The following ALDH1L2 variants were observed in gnomAD, a reference collection of about 807,000 sequenced individuals.
The protein encoded by ALDH1L2 is aldehyde dehydrogenase 1 family member L2, also known as mitochondrial 10-formyltetrahydrofolate dehydrogenase.
In ALDH1L2, 91 loss-of-function variants were observed where a neutral mutation model predicts 111.0. The ratio of observed to expected loss-of-function variants is 0.82; its 90% confidence interval spans 0.69 to 0.98. ALDH1L2 has a LOEUF of 0.98. Ranked by LOEUF, ALDH1L2 falls within the 50% of genes least tolerant of loss-of-function variation. The probability of loss-of-function intolerance (pLI) is 0.00; values close to 1 mark genes in which losing one functional copy is unlikely to be tolerated. For missense variants in ALDH1L2, 995 were observed against 1,126.8 expected (o/e 0.88, Z 1.67); for synonymous variants, 374 against 392.6 (o/e 0.95, Z 0.56).
chr12:105,030,369 T>A lies in ALDH1L2; in HGVS notation c.2471A>T (p.Glu824Val). The change falls in exon 21 of 23, where the codon GAG becomes GTG. Residue 824 changes from glutamate (E) to valine (V), a missense_variant. By Grantham distance (121) the Glu-to-Val change is moderately radical (BLOSUM62 -2). Transcript: ENST00000258494. Reference sequence around the variant, plus strand: ...GACCATAATAGGCCCAAAGGATTCCTCTTTGGCGAGGTACATGTAGTCTTC... The same window carrying A: ...GACCATAATAGGCCCAAAGGATTCCACTTTGGCGAGGTACATGTAGTCTTC... ...DVEDYMYLAK[E>V]ESFGPIMVIS... The A allele has an allele frequency of 6.2e-7, 1 of 1,613,784 alleles. No homozygotes were observed. The highest frequency in any genetic ancestry group is 8.5e-7 in the Non-Finnish European group (1 of 1,179,782).
rs1238132113 is a variant in ALDH1L2 at position 105,052,081 on chromosome 12, T to C, written c.1535+9A>G. 27 of 1,576,018 alleles carry C rather than the reference T, an allele frequency of 1.7e-5. No individual in the cohort carries two copies. The highest frequency in any genetic ancestry group is 2.1e-5 in the Non-Finnish European group (25 of 1,167,056). ...TTCTAAAAAATAAAAAAATAAAAAATAGAAATACCTATACATCAATCTTCC... is the reference window on the plus strand; with the variant it reads ...TTCTAAAAAATAAAAAAATAAAAAACAGAAATACCTATACATCAATCTTCC... On this transcript the variant is annotated intron_variant, in intron 12 of 22. Coordinates refer to ENST00000258494, the MANE Select transcript of ALDH1L2 (RefSeq NM_001034173.4).
At chr12:105,083,182 G>C (rs565070703) in intron 1 of ALDH1L2, among the ~76,000 whole-genome samples, 11 of 152,330 alleles carry the variant, frequency 7.2e-5, no homozygotes, top group African/African-American at 2.6e-4. Context: ...GTTGACAGAG[G>C]AGGCCAACAA....
At chr12:105,049,831 G>T in intron 13 of ALDH1L2, 77 bp downstream of exon 13, 2 of 1,445,338 alleles carry the variant, frequency 1.4e-6, no homozygotes, top group Non-Finnish European at 9.2e-7. Flanking sequence ...ATAAAAAGAG[G>T]ATCTGACACA....
intron 5 of ALDH1L2, 88 bp downstream of exon 5, chr12:105,066,480 T>G: frequency 7.6e-7 from 1 of 1,308,538 alleles, no homozygotes; most frequent in Non-Finnish European, 1.1e-6. Context: ...CTGGCTTACC[T>G]TTTGGCAAGA....
intron 15 of ALDH1L2, among the ~76,000 whole-genome samples, chr12:105,046,322 C>T (rs533340692): frequency 2.6e-4 from 38 of 144,384 alleles, no homozygotes; most frequent in East Asian, 1.0e-3. Flanking sequence ...TTGCAACCTC[C>T]GCCTTTACAA....
rs1385108255 is a variant in ALDH1L2 at position 105,070,776 on chromosome 12, A to AG, written c.221dup (p.Val75CysfsTer6). The AG allele has an allele frequency of 1.9e-6, 3 of 1,614,118 alleles. No homozygotes were observed. Among genetic ancestry groups the AG allele is most frequent in the East Asian group, 2.2e-5 (1 of 44,888 alleles). On this transcript the variant is annotated frameshift_variant, in exon 3 of 23. Transcript: ENST00000258494. LOFTEE classifies it high-confidence loss of function. ...CCCTCCATTTAGGAAGCTTGAACACAGGGGTCCCATCTTTCTCTGCAGCCA... is the reference window on the plus strand; with the variant it reads ...CCCTCCATTTAGGAAGCTTGAACACAGGGGGTCCCATCTTTCTCTGCAGCCA...
Position 105,046,622 on chromosome 12 carries a change from G to C in ALDH1L2, c.1863+88C>G. The C allele has an allele frequency of 4.2e-6, 5 of 1,182,054 alleles. No individual in the cohort carries two copies. In the South Asian group the frequency reaches 7.3e-5, roughly 17 times the overall value. The allele number at this position is 1,182,054 out of a possible 1,614,324, so 73.2% of individuals were successfully genotyped here. A position where few individuals can be genotyped will look rare whatever the true frequency, so the allele number is the denominator to read the frequency against. On this transcript the variant is annotated intron_variant, in intron 15 of 22. Coordinates refer to ENST00000258494, the MANE Select transcript of ALDH1L2 (RefSeq NM_001034173.4). ...AAAAATGCCATACCATCTCATTTTT[G>C]TTTGCTATTTATAAATATATTTCAC...
At chr12:105,044,617 A>T in intron 15 of ALDH1L2, among the ~76,000 whole-genome samples, 1 of 79,888 alleles carries the variant, frequency 1.3e-5, no homozygotes, top group African/African-American at 4.2e-5. Context: ...CTCTTGTATA[A>T]TGCTGGTGAG....
Position 105,062,829 on chromosome 12 carries a change from C to G in ALDH1L2, c.921+59G>C, listed in dbSNP as rs1312381839. On this transcript the variant is annotated intron_variant, in intron 7 of 22. Transcript: ENST00000258494. ...GGAGTGAAAGCTATTCCCTTAATAG[C>G]TTGGGTTATAGAAGAAAATCAAAAG... 1.9e-6 allele frequency: 3 copies of G among 1,566,138 alleles called. No homozygotes were observed. The African/African-American group carries it at 4.1e-5, about 21-fold the overall frequency.
At position 105,023,106 on chromosome 12, in the gene ALDH1L2, C is replaced by T. The variant is rs767413026; in HGVS notation, c.*1318G>A. 2.0e-5 allele frequency: 3 copies of T among 152,174 alleles called. No individual in the cohort carries two copies. The highest frequency in any genetic ancestry group is 4.8e-5 in the African/African-American group (2 of 41,438). The allele number at this position is 152,174 out of a possible 1,614,324, so 9.4% of individuals were successfully genotyped here. A position where few individuals can be genotyped will look rare whatever the true frequency, so the allele number is the denominator to read the frequency against. On this transcript the variant is annotated 3_prime_UTR_variant, in exon 23 of 23. Coordinates refer to ENST00000258494, the MANE Select transcript of ALDH1L2 (RefSeq NM_001034173.4). ...CATTTCTTCAATGCTATGGTCCAAA[C>T]GCCTTGTTAAGTGCATTATGTATAT...
chr12:105,067,132 C>T (rs919069999), intron 4 of ALDH1L2, among the ~76,000 whole-genome samples: 3 of 147,782 alleles, frequency 2.0e-5, no homozygotes, highest in Non-Finnish European at 4.4e-5. Flanking sequence ...AGGAGAATGG[C>T]GTGAACCCGG....
At chr12:105,029,891 T>C (rs575127804) in intron 21 of ALDH1L2, among the ~76,000 whole-genome samples, 1 of 152,318 alleles carries the variant, frequency 6.6e-6, no homozygotes, top group African/African-American at 2.4e-5. Flanking sequence ...TATATGATGA[T>C]TATGAACATT....
chr12:105,049,901 T>C lies in ALDH1L2; in HGVS notation c.1686+7A>G. 1 of 1,608,930 alleles carries C rather than the reference T, an allele frequency of 6.2e-7. No individual in the cohort carries two copies. The highest frequency in any genetic ancestry group is 1.3e-5 in the African/African-American group (1 of 74,884). ...TTTCTTTCAGAACAAATAATATTTG[T>C]GCTTACCTGAATTTTGTCGCACCAG... is the stretch of plus-strand genomic sequence containing the variant. On this transcript the variant is annotated splice_region_variant and intron_variant, in intron 13 of 22. Transcript: ENST00000258494.
intron 18 of ALDH1L2, among the ~76,000 whole-genome samples, chr12:105,036,512 T>A (rs1314487647): frequency 1.1e-4 from 6 of 56,094 alleles, no homozygotes; most frequent in Middle Eastern, 0.014. Flanking sequence ...TATATATATA[T>A]TTTATATATA....
intron 15 of ALDH1L2, among the ~76,000 whole-genome samples, chr12:105,041,709 T>C (rs1405148611): frequency 2.0e-5 from 3 of 152,212 alleles, no homozygotes; most frequent in African/African-American, 7.2e-5. Context: ...GTGTTTTCCA[T>C]TCTGTTCAAT....
intron 1 of ALDH1L2, among the ~76,000 whole-genome samples, chr12:105,083,072 A>G (rs756524624): frequency 1.5e-4 from 23 of 152,218 alleles, no homozygotes; most frequent in African/African-American, 5.3e-4. Context: ...TGAGATGTTT[A>G]CCTTTTATTA....
chr12:105,038,241 ATCTC>A lies in ALDH1L2; in HGVS notation c.2046-43_2046-40del, dbSNP rs112805543. On this transcript the variant is annotated intron_variant, in intron 17 of 22. Coordinates refer to ENST00000258494, the MANE Select transcript of ALDH1L2 (RefSeq NM_001034173.4). Reference sequence around the variant, plus strand: ...AATGAGAAATGAGCATTTAGTTAACATCTCTCTCTCTCTCTCTCTCACACACACA... The same window carrying A: ...AATGAGAAATGAGCATTTAGTTAACATCTCTCTCTCTCTCTCACACACACA... 5,684 of 900,504 alleles carry A rather than the reference ATCTC, an allele frequency of 6.3e-3. 55 individuals are homozygous for A. The highest frequency in any genetic ancestry group is 0.047 in the African/African-American group (2,517 of 53,428). 55.8% of individuals were successfully genotyped at this position (900,504 alleles called of 1,614,324 possible). A position where few individuals can be genotyped will look rare whatever the true frequency, so the allele number is the denominator to read the frequency against.
At position 105,046,900 on chromosome 12, in the gene ALDH1L2, C is replaced by T. The variant is rs780138709; in HGVS notation, c.1756G>A (p.Gly586Ser). The change falls in exon 14 of 23, where the codon GGT becomes AGT. Residue 586 changes from glycine to serine, a missense_variant and splice_region_variant. Coordinates refer to ENST00000258494, the MANE Select transcript of ALDH1L2 (RefSeq NM_001034173.4). ...NLTFTKKEPL[G>S]VCAIIIPWNY... Reference sequence around the variant, plus strand: ...TCAGAGGCACTCTCCTTATCTTACCCGAGTGGCTCTTTCTTGGTGAAGGTC... The same window carrying T: ...TCAGAGGCACTCTCCTTATCTTACCTGAGTGGCTCTTTCTTGGTGAAGGTC... 17 of 1,613,796 alleles carry T rather than the reference C, an allele frequency of 1.1e-5. No homozygotes were observed. Among genetic ancestry groups the T allele is most frequent in the Admixed American group, 1.7e-5 (1 of 59,994 alleles).
Position 105,039,803 on chromosome 12 carries a change from C to T in ALDH1L2, c.1955G>A (p.Gly652Asp). 3 of 1,613,742 alleles carry T rather than the reference C, an allele frequency of 1.9e-6. No homozygotes were observed. Among genetic ancestry groups the T allele is most frequent in the Non-Finnish European group, 2.5e-6 (3 of 1,179,772 alleles). The change falls in exon 17 of 23, where the codon GGC becomes GAC. Residue 652 changes from glycine to aspartate, a missense_variant. Coordinates refer to ENST00000258494, the MANE Select transcript of ALDH1L2 (RefSeq NM_001034173.4). ...TTCAGACAGACGTTGTCCTGCTATGCCACCTGTAGAATTAGGGAATAAAAC... is the reference window on the plus strand; with the variant it reads ...TTCAGACAGACGTTGTCCTGCTATGTCACCTGTAGAATTAGGGAATAAAAC... ...GVINIIPGSG[G>D]IAGQRLSEHP...
Sources: gnomAD v4.1 joint callset for allele counts (sites outside exome capture counted in the v4.1 genomes callset) on GRCh38, gnomAD v4.1.1 for gene constraint, MANE v1.5 for transcripts, NCBI Gene and HGNC (gene_info 2026-07-23, HGNC 2026-07-21) for gene names.